PRKAR2B: variants seen among roughly 807,000 people sequenced by gnomAD.
PRKAR2B encodes protein kinase cAMP-dependent type II regulatory subunit beta, also known as cAMP-dependent protein kinase type II-beta regulatory subunit.
A neutral mutation model predicts 49.9 loss-of-function variants in PRKAR2B; 14 were observed. That is an observed-to-expected ratio of 0.28 (90% CI 0.19 to 0.44). The LOEUF (loss-of-function observed/expected upper bound fraction) is 0.44, where lower values mean the gene tolerates loss of function less well. PRKAR2B is among the 20% of genes least tolerant of loss of function. PRKAR2B has a pLI of 1.00. For synonymous variants in PRKAR2B, 196 were observed against 197.7 expected (o/e 0.99, Z 0.07); for missense variants, 393 against 537.9 (o/e 0.73, Z 2.67).
chr7:107,062,007 A>G (rs1794036646), intron 1 of PRKAR2B, among the ~76,000 whole-genome samples: 1 of 152,168 alleles, frequency 6.6e-6, no homozygotes, highest in Admixed American at 6.5e-5. Context: ...AAACACACAC[A>G]TCATTAAACA....
At chr7:107,154,389 A>G (rs899115679) in intron 8 of PRKAR2B, among the ~76,000 whole-genome samples, 1 of 152,208 alleles carries the variant, frequency 6.6e-6, no homozygotes, top group African/African-American at 2.4e-5. Flanking sequence ...CCAGTTTTAC[A>G]TACACTTAGA....
chr7:107,056,998 A>C (rs1793928081), intron 1 of PRKAR2B, among the ~76,000 whole-genome samples: 1 of 152,134 alleles, frequency 6.6e-6, no homozygotes, highest in Non-Finnish European at 1.5e-5. Context: ...GCTGTATGTC[A>C]TTGCATCTGC....
chr7:107,048,464 T>G (rs533085434), intron 1 of PRKAR2B, among the ~76,000 whole-genome samples: 1 of 152,322 alleles, frequency 6.6e-6, no homozygotes, highest in Non-Finnish European at 1.5e-5. Flanking sequence ...TGTGAATGTC[T>G]TTAACGTAAG....
chr7:107,118,518 G>A (rs1384606998), intron 2 of PRKAR2B, among the ~76,000 whole-genome samples: 1 of 151,978 alleles, frequency 6.6e-6, no homozygotes, highest in Non-Finnish European at 1.5e-5. Flanking sequence ...GAAATACAGA[G>A]ATGAACAAGA....
Position 107,157,317 on chromosome 7 carries a change from A to AT in PRKAR2B, c.1117dup (p.Cys373LeufsTer10). 1 of 1,612,616 alleles carries AT rather than the reference A, an allele frequency of 6.2e-7. No individual in the cohort carries two copies. The highest frequency in any genetic ancestry group is 8.5e-7 in the Non-Finnish European group (1 of 1,179,478). ...CTGCCCACGCCATTGGGACTGTCAA[A>AT]TGTTTAGGTAGGGATTGCAACAGTG... On this transcript the variant is annotated frameshift_variant, in exon 10 of 11. Transcript: ENST00000265717. LOFTEE classifies it high-confidence loss of function.
At chr7:107,076,604 C>G (rs1028030924) in intron 2 of PRKAR2B, among the ~76,000 whole-genome samples, 9 of 152,058 alleles carry the variant, frequency 5.9e-5, no homozygotes, top group African/African-American at 7.2e-5. Context: ...CTTTCAAGGA[C>G]TACTTGAAAG....
chr7:107,106,958 A>C (rs1795084202), intron 2 of PRKAR2B, among the ~76,000 whole-genome samples: 1 of 152,166 alleles, frequency 6.6e-6, no homozygotes, highest in African/African-American at 2.4e-5. Flanking sequence ...AAAATGCCAT[A>C]AAAGCCTGCA....
At chr7:107,094,097 A>C (rs536970619) in intron 2 of PRKAR2B, among the ~76,000 whole-genome samples, 189 of 152,344 alleles carry the variant, frequency 1.2e-3, no homozygotes, top group African/African-American at 4.3e-3. Context: ...ACTGTCTTCC[A>C]CAACAGTTGA....
chr7:107,099,038 C>A (rs1794904513), intron 2 of PRKAR2B, among the ~76,000 whole-genome samples: 1 of 152,200 alleles, frequency 6.6e-6, no homozygotes, highest in African/African-American at 2.4e-5. Context: ...CTACTCTCTT[C>A]AAAGCTGTCA....
chr7:107,112,174 TAA>T (rs749209141), intron 2 of PRKAR2B, among the ~76,000 whole-genome samples: 2 of 44,760 alleles, frequency 4.5e-5, no homozygotes, highest in Admixed American at 2.8e-4. Flanking sequence ...ACTGTGTCTC[TAA>T]AAAAAAAAAA....
At chr7:107,124,948 G>A (rs1017505266) in intron 3 of PRKAR2B, among the ~76,000 whole-genome samples, 3 of 152,066 alleles carry the variant, frequency 2.0e-5, no homozygotes, top group African/African-American at 7.2e-5. Flanking sequence ...TTCTGCTATA[G>A]TAGCTTGAAA....
At chr7:107,048,071 T>C (rs140408966) in intron 1 of PRKAR2B, among the ~76,000 whole-genome samples, 1,736 of 152,334 alleles carry the variant, frequency 0.011, 25 homozygotes, top group Non-Finnish European at 0.017. Flanking sequence ...ACTTGCCCAG[T>C]GTTTCACGTG....
At chr7:107,082,202 A>T (rs1794527160) in intron 2 of PRKAR2B, 1 of 152,180 alleles carries the variant, frequency 6.6e-6, no homozygotes, top group African/African-American at 2.4e-5. Flanking sequence ...GATTTTGTGG[A>T]TCTCAAAATT....
At chr7:107,083,693 A>G (rs916055407) in intron 2 of PRKAR2B, among the ~76,000 whole-genome samples, 1 of 151,452 alleles carries the variant, frequency 6.6e-6, no homozygotes, top group Non-Finnish European at 1.5e-5. Context: ...GCTCACTGCA[A>G]CCTCCGCCTC....
intron 3 of PRKAR2B, among the ~76,000 whole-genome samples, chr7:107,125,728 G>A (rs1437161444): frequency 6.6e-6 from 1 of 152,128 alleles, no homozygotes; most frequent in Non-Finnish European, 1.5e-5. Context: ...TGAGGGAAAA[G>A]GGAAACAGGA....
intron 2 of PRKAR2B, among the ~76,000 whole-genome samples, chr7:107,092,299 G>C (rs1794746464): frequency 6.6e-6 from 1 of 151,252 alleles, no homozygotes; most frequent in Non-Finnish European, 1.5e-5. Flanking sequence ...GTGTGTCACA[G>C]AATGAAATTA....
intron 2 of PRKAR2B, among the ~76,000 whole-genome samples, chr7:107,114,492 G>C (rs1394128228): frequency 6.6e-6 from 1 of 150,776 alleles, no homozygotes; most frequent in Non-Finnish European, 1.5e-5. Flanking sequence ...CTCCTAAGTA[G>C]CTGGGATTAC....
chr7:107,139,478 T>C (rs1451514727), intron 4 of PRKAR2B, among the ~76,000 whole-genome samples: 3 of 152,194 alleles, frequency 2.0e-5, no homozygotes, highest in African/African-American at 7.2e-5. Flanking sequence ...TGAAGGAAGG[T>C]GTCAACTAAT....
chr7:107,143,205 A>C (rs925398740), intron 5 of PRKAR2B, among the ~76,000 whole-genome samples: 5 of 152,218 alleles, frequency 3.3e-5, no homozygotes, highest in African/African-American at 1.2e-4. Context: ...GCGCAAAAGT[A>C]TAAATAGTGT....
Sources: allele counts gnomAD v4.1 joint callset (sites outside exome capture counted in the v4.1 genomes callset), GRCh38; gene constraint gnomAD v4.1.1; transcripts MANE v1.5; gene names NCBI Gene and HGNC (gene_info 2026-07-23, HGNC 2026-07-21).